The following NLRC3 variants were observed in gnomAD, a reference collection of about 807,000 sequenced individuals.
The protein encoded by NLRC3 is NLR family CARD domain-containing protein 3.
NLRC3 carries 87 observed loss-of-function variants against 91.6 expected under a neutral mutation model. That is an observed-to-expected ratio of 0.95 (90% confidence interval 0.80 to 1.14). The LOEUF is 1.14. Among genes scored for constraint, NLRC3 ranks in the 50% most tolerant of loss-of-function variants. The probability of loss-of-function intolerance (pLI) is 0.00; values close to 1 mark genes in which losing one functional copy is unlikely to be tolerated. For missense variants in NLRC3, 1,577 were observed against 1,418.6 expected, an observed-to-expected ratio of 1.11 and a Z score of -1.79; for synonymous variants, 694 against 625.3, an observed-to-expected ratio of 1.11 and a Z score of -1.64.
In NLRC3 at chr16:3,550,611, G is replaced by A. The variant is rs1166245333; in HGVS notation, c.2352-114C>T. 7 of 730,512 alleles carry A rather than the reference G, an allele frequency of 9.6e-6. No individual in the cohort carries two copies. In the African/African-American group the frequency reaches 1.0e-4, roughly 11 times the overall value. The allele number at this position is 730,512 out of a possible 1,614,324, so 45.3% of individuals were successfully genotyped here. A position where few individuals can be genotyped will look rare whatever the true frequency, so the allele number is the denominator to read the frequency against. On this transcript the variant is annotated intron_variant, in intron 10 of 19. Coordinates refer to ENST00000359128, the MANE Select transcript of NLRC3 (RefSeq NM_178844.4). ...GGAGGGCTGGCTCTGTTGTCTCAAG[G>A]GTGGCCAGTGCACAGTTTGTTCTGC...
At position 3,539,240 on chromosome 16, in the gene NLRC3, AGAC is replaced by A; in HGVS notation, c.*2582_*2584del. On this transcript the variant is annotated 3_prime_UTR_variant, in exon 20 of 20. Transcript: ENST00000359128. ...ACACTACATAAATATCATAGCTGTT[AGAC>A]CCAGGGGACTCTCAGGTGCCAGAAT... The A allele has an allele frequency of 6.6e-6, 1 of 152,334 alleles. No homozygotes were observed. Among genetic ancestry groups the A allele is most frequent in the Middle Eastern group, 3.4e-3 (1 of 294 alleles). The allele number at this position is 152,334 out of a possible 1,614,324, so 9.4% of individuals were successfully genotyped here.
chr16:3,553,250 T>G (rs949263564), intron 9 of NLRC3, among the ~76,000 whole-genome samples: 2 of 152,226 alleles, frequency 1.3e-5, no homozygotes, highest in East Asian at 3.8e-4. Context: ...GTAAATCTTT[T>G]TAAAAGCAAA....
Position 3,548,218 on chromosome 16 carries a change from G to A in NLRC3, c.2688C>T (p.His896=). ...VRENRTLTSL[H]LQWNFIQAGA... ...CGGCCTGGATGAAGTTCCACTGCAG[G>A]CTGGGCAGACACAGACACATGTGAC... Residue 896 remains histidine (H), a splice_region_variant and synonymous_variant, in exon 15 of 20, where the codon CAC becomes CAT. Coordinates refer to ENST00000359128, the MANE Select transcript of NLRC3 (RefSeq NM_178844.4). 1.3e-6 allele frequency: 2 copies of A among 1,588,828 alleles called. No homozygotes were observed. The highest frequency in any genetic ancestry group is 1.7e-6 in the Non-Finnish European group (2 of 1,167,636).
At chr16:3,569,397 A>ATATTTTTT (rs2040013749) in intron 1 of NLRC3, among the ~76,000 whole-genome samples, 2 of 41,046 alleles carry the variant, frequency 4.9e-5, no homozygotes, top group African/African-American at 2.5e-4. Context: ...TATATATATT[A>ATATTTTTT]TTTTTTTTTT....
intron 10 of NLRC3, among the ~76,000 whole-genome samples, chr16:3,551,230 A>G (rs920032719): frequency 6.6e-6 from 1 of 151,230 alleles, no homozygotes; most frequent in South Asian, 2.1e-4. Context: ...TCATCCATCC[A>G]TCCACCCACC....
At chr16:3,559,978 G>A (rs778856521) in intron 6 of NLRC3, among the ~76,000 whole-genome samples, 1 of 151,966 alleles carries the variant, frequency 6.6e-6, no homozygotes, top group African/African-American at 2.4e-5. Context: ...ACCCTCTTAA[G>A]GCACAGAAAT....
rs1433686432 is a variant in NLRC3 at position 3,563,779 on chromosome 16, G to A, written c.1158C>T (p.Ile386=). 11 of 1,612,780 alleles carry A rather than the reference G, an allele frequency of 6.8e-6. No individual in the cohort carries two copies. Among genetic ancestry groups the A allele is most frequent in the Non-Finnish European group, 7.6e-6 (9 of 1,179,458 alleles). The change falls in exon 5 of 20, where the codon ATC becomes ATT. Residue 386 remains isoleucine (I), a synonymous_variant. Coordinates refer to ENST00000359128, the MANE Select transcript of NLRC3 (RefSeq NM_178844.4). ...TGCGGCCACCATGGGCCACCTGCTCGATGCGAGGGCTTGCCTTGCCCTTCT... is the reference window on the plus strand; with the variant it reads ...TGCGGCCACCATGGGCCACCTGCTCAATGCGAGGGCTTGCCTTGCCCTTCT... ...GQEKGKASPR[I]EQVAHGGRKM...
In NLRC3 at chr16:3,548,125, G is replaced by T; in HGVS notation, c.2771+10C>A. 1 of 1,565,140 alleles carries T rather than the reference G, an allele frequency of 6.4e-7. No individual in the cohort carries two copies. The highest frequency in any genetic ancestry group is 8.7e-7 in the Non-Finnish European group (1 of 1,152,188). On this transcript the variant is annotated intron_variant, in intron 15 of 19. Transcript: ENST00000359128. ...CCCCCGCCCTGCAGCCCCTGGGCAG[G>T]CCAACTTACTCTAAGCTGGTGAGGC... is the stretch of plus-strand genomic sequence containing the variant.
At position 3,541,754 on chromosome 16, in the gene NLRC3, C is replaced by T. The variant is rs76430099; in HGVS notation, c.*71G>A. The T allele has an allele frequency of 3.9e-6, 4 of 1,024,192 alleles. No homozygotes were observed. In the East Asian group the frequency reaches 7.6e-5, roughly 19 times the overall value. The allele number at this position is 1,024,192 out of a possible 1,614,324, so 63.4% of individuals were successfully genotyped here. On this transcript the variant is annotated 3_prime_UTR_variant, in exon 20 of 20. Transcript: ENST00000359128. Reference sequence around the variant, plus strand: ...GTTCCCAGCTCCCAGACAGGCCCCCCAGAAGTCGGCCTTTCTGTTCAAAAG... The same window carrying T: ...GTTCCCAGCTCCCAGACAGGCCCCCTAGAAGTCGGCCTTTCTGTTCAAAAG...
rs377140210 is a variant in NLRC3, at chr16:3,541,814, G to A, written c.*11C>T. On this transcript the variant is annotated 3_prime_UTR_variant, in exon 20 of 20. Transcript: ENST00000359128. ...GAGCATCTGCCCATTCTCCTGATCC[G>A]TCCACCAGGATCACATTTCAACAGT... The A allele has an allele frequency of 2.5e-5, 39 of 1,570,822 alleles. No individual in the cohort carries two copies. The highest frequency in any genetic ancestry group is 1.7e-4 in the Admixed American group (10 of 59,484).
rs1379889319 is a variant in NLRC3 at position 3,550,491 on chromosome 16, G to A, written c.2358C>T (p.Ser786=). The A allele has an allele frequency of 3.7e-6, 6 of 1,611,528 alleles. No individual in the cohort carries two copies. In the East Asian group the frequency reaches 6.7e-5, roughly 18 times the overall value. ...CACCTCCATCACCAATACTATTACT[G>A]GAGAACCTGCAAGAGAAGGGATATG... is the stretch of plus-strand genomic sequence containing the variant. ...QNRSLKELMF[S]SNSIGDGGAK... is the part of the protein sequence containing the mutation. The change falls in exon 11 of 20, where the codon TCC becomes TCT. Residue 786 remains serine, a synonymous_variant. Coordinates refer to ENST00000359128, the MANE Select transcript of NLRC3 (RefSeq NM_178844.4).
rs2038891865 is a variant in NLRC3, at chr16:3,549,663, A to G, written c.2519+34T>C. 3.4e-6 allele frequency: 5 copies of G among 1,485,340 alleles called. No homozygotes were observed. The South Asian group carries it at 4.8e-5, about 14-fold the overall frequency. The allele number at this position is 1,485,340 out of a possible 1,614,324, so 92.0% of individuals were successfully genotyped here. A position where few individuals can be genotyped will look rare whatever the true frequency, so the allele number is the denominator to read the frequency against. On this transcript the variant is annotated intron_variant, in intron 12 of 19. Coordinates refer to ENST00000359128, the MANE Select transcript of NLRC3 (RefSeq NM_178844.4). ...CTGCAGACAGGTGCCTCGTCAAAGAAACGCCCTGTTTGGAGAGGGTGGCCA... is the reference window on the plus strand; with the variant it reads ...CTGCAGACAGGTGCCTCGTCAAAGAGACGCCCTGTTTGGAGAGGGTGGCCA...
chr16:3,549,615 A>G (rs1429393160), intron 12 of NLRC3, 82 bp downstream of exon 12: 20 of 1,070,096 alleles, frequency 1.9e-5, no homozygotes, highest in Non-Finnish European at 2.7e-5. Context: ...TTTCCCTGAG[A>G]CAGGCTTCCC....
Position 3,563,057 on chromosome 16 carries a change from C to A in NLRC3, c.1880G>T (p.Gly627Val). ...CTGGGGCAGCAGGCTCTGAAGGACGCCCTGGCTGAGGCTCAGGGACAGGTT... is the reference window on the plus strand; with the variant it reads ...CTGGGGCAGCAGGCTCTGAAGGACGACCTGGCTGAGGCTCAGGGACAGGTT... ...EANLSLSLSQ[G>V]VLQSLLPQLL... The change falls in exon 5 of 20, where the codon GGC becomes GTC. Residue 627 changes from glycine (G) to valine (V), a missense_variant. Physicochemically the swap from Gly to Val is moderately radical, Grantham distance 109 (BLOSUM62 -3). Transcript: ENST00000359128. The A allele has an allele frequency of 1.3e-6, 2 of 1,561,990 alleles. No individual in the cohort carries two copies. The highest frequency in any genetic ancestry group is 1.7e-6 in the Non-Finnish European group (2 of 1,153,610).
At position 3,568,297 on chromosome 16, in the gene NLRC3, G is replaced by A. The variant is rs115034636; in HGVS notation, c.-168-973C>T. On this transcript the variant is annotated intron_variant, in intron 1 of 19. Transcript: ENST00000359128. ...GAAGTAAGGAGTGCGATCAATTTGA[G>A]GTTGCTGGCACCCAGGCCAGCTGAA... Among the ~76,000 whole-genome samples, 667 of 152,344 alleles carry A rather than the reference G, an allele frequency of 4.4e-3. 4 individuals are homozygous for A. The highest frequency in any genetic ancestry group is 0.015 in the African/African-American group (631 of 41,582).
chr16:3,572,650 T>C (rs1401470716), intron 1 of NLRC3, among the ~76,000 whole-genome samples: 3 of 152,190 alleles, frequency 2.0e-5, no homozygotes, highest in African/African-American at 7.2e-5. Flanking sequence ...TTCTGGATTA[T>C]AATAACCATT....
Position 3,564,159 on chromosome 16 carries a change from C to T in NLRC3, c.778G>A (p.Glu260Lys). The change falls in exon 5 of 20, where the codon GAA (glutamate) becomes AAA (lysine). Residue 260 changes from glutamate to lysine, a missense_variant. Coordinates refer to ENST00000359128, the MANE Select transcript of NLRC3 (RefSeq NM_178844.4). This position sits in a 1 kb window ranked among gnomAD's most constrained non-coding sequence, Gnocchi z 5.9. ...TNIIRGNLFP[E>K]VSIWITSRPS... Reference sequence around the variant, plus strand: ...CGGGAGGTGATCCAGATGGAAACTTCCGGAAAGAGGTTGCCACGGATGATG... The same window carrying T: ...CGGGAGGTGATCCAGATGGAAACTTTCGGAAAGAGGTTGCCACGGATGATG... The T allele has an allele frequency of 2.5e-6, 4 of 1,613,686 alleles. 1 individual carries two copies. The highest frequency in any genetic ancestry group is 2.2e-5 in the South Asian group (2 of 91,084).
chr16:3,558,288 A>T (rs2039446229), intron 6 of NLRC3, among the ~76,000 whole-genome samples: 1 of 152,170 alleles, frequency 6.6e-6, no homozygotes, highest in Non-Finnish European at 1.5e-5. Flanking sequence ...CCATGATGAC[A>T]TCACTGCGCT....
At position 3,564,014 on chromosome 16, in the gene NLRC3, A is replaced by T. The variant is rs1596480408; in HGVS notation, c.923T>A (p.Leu308His). ...CACTTGGCTCAGCATCCAGCCCAGA[A>T]GGGCCTGGTCCTCGGGGAACATCTG... ...LEQMFPEDQA[L>H]LGWMLSQVQA... Residue 308 changes from leucine (L) to histidine (H), a missense_variant, in exon 5 of 20, where the codon CTT becomes CAT. By Grantham distance (99) the Leu-to-His change is moderately conservative. Coordinates refer to ENST00000359128, the MANE Select transcript of NLRC3 (RefSeq NM_178844.4). The surrounding 1 kb of genome is among the most constrained non-coding windows in gnomAD (Gnocchi z 5.9). 2 of 1,609,884 alleles carry T rather than the reference A, an allele frequency of 1.2e-6. No individual in the cohort carries two copies. Among genetic ancestry groups the T allele is most frequent in the South Asian group, 2.2e-5 (2 of 91,070 alleles).
Sources: allele counts gnomAD v4.1 joint callset (sites outside exome capture counted in the v4.1 genomes callset), GRCh38; gene constraint gnomAD v4.1.1; non-coding constraint Gnocchi (gnomAD v3.1); transcripts MANE v1.5; gene names NCBI Gene and HGNC (gene_info 2026-07-23, HGNC 2026-07-21).